Variants in USP16 observed in about 807,000 individuals in gnomAD.
USP16 encodes the protein ubiquitin carboxyl-terminal hydrolase 16.
A neutral mutation model predicts 95.9 loss-of-function variants in USP16; 77 were observed. That is an observed-to-expected ratio of 0.80 (90% CI 0.67 to 0.97). The LOEUF (loss-of-function observed/expected upper bound fraction) is 0.97, where lower values mean the gene tolerates loss of function less well. Ranked by LOEUF, USP16 falls within the 50% of genes least tolerant of loss-of-function variation. The pLI, the probability that USP16 is intolerant of heterozygous loss-of-function variation, is 0.00. For synonymous variants in USP16, 303 were observed against 318.2 expected (o/e 0.95, Z 0.51); for missense variants, 943 against 959.9 (o/e 0.98, Z 0.23).
intron 4 of USP16, 47 bp from the exon 5 acceptor site, chr21:29,036,221 CTTT>C (rs775739524): frequency 6.8e-7 from 1 of 1,471,384 alleles, no homozygotes; most frequent in South Asian, 1.2e-5. Context: ...TTGTCTCCCC[CTTT>C]TTAGTTGTCA....
intron 14 of USP16, among the ~76,000 whole-genome samples, chr21:29,047,982 A>AT (rs1226226711): frequency 6.6e-6 from 1 of 151,506 alleles, no homozygotes; most frequent in African/African-American, 2.4e-5. Flanking sequence ...ATATATATAT[A>AT]AGCTCAGAGA....
chr21:29,029,257 C>T (rs1472086286), intron 2 of USP16, among the ~76,000 whole-genome samples: 1 of 152,108 alleles, frequency 6.6e-6, no homozygotes, highest in Non-Finnish European at 1.5e-5. Flanking sequence ...ACTAAACATA[C>T]AAAAAATTAG....
intron 16 of USP16, chr21:29,052,170 T>A (rs190721771): frequency 6.6e-6 from 1 of 152,354 alleles, no homozygotes; most frequent in Admixed American, 6.5e-5. Flanking sequence ...GCATGTTTAA[T>A]GTAAACTCTC....
chr21:29,038,959 T>C, intron 7 of USP16, 67 bp from the exon 8 acceptor site: 1 of 1,400,798 alleles, frequency 7.1e-7, no homozygotes, highest in Non-Finnish European at 9.4e-7. Flanking sequence ...GTTAACTAAT[T>C]AGATTTTAGT....
In USP16 at chr21:29,037,338, G is replaced by T; in HGVS notation, c.511G>T (p.Glu171Ter). 6.3e-7 allele frequency: 1 copy of T among 1,594,070 alleles called. No homozygotes were observed. The highest frequency in any genetic ancestry group is 1.1e-5 in the South Asian group (1 of 88,364). Residue 171 changes from glutamate (E) to a stop codon, truncating the protein, a stop_gained, in exon 6 of 18, where the codon GAA (glutamate) becomes TAA (stop). Coordinates refer to ENST00000399976, the MANE Select transcript of USP16 (RefSeq NM_006447.3). LOFTEE classifies it high-confidence loss of function. ...AAAATTAGAAAAAGAGAGTAAGAAT[G>T]AACAAGAGAGAGAAAAGAAGGAAAA... ...NKKLEKESKNEQEREKKENMA... is the reference protein window; with the variant it reads ...NKKLEKESKN
rs2085328604 is a variant in USP16, at chr21:29,046,708, T to C, written c.1398T>C (p.His466=). 3 of 1,609,952 alleles carry C rather than the reference T, an allele frequency of 1.9e-6. No homozygotes were observed. Among genetic ancestry groups the C allele is most frequent in the South Asian group, 2.2e-5 (2 of 89,910 alleles). The change falls in exon 14 of 18, where the codon CAT becomes CAC. Residue 466 remains histidine (H), a synonymous_variant. Coordinates refer to ENST00000399976, the MANE Select transcript of USP16 (RefSeq NM_006447.3). ...AAAAAATTCAAGGAAAAGTTCTTCA[T>C]TTAAATGATATTTGTACTATTGACC... ...RQQKIQGKVL[H]LNDICTIDHP...
In USP16 at chr21:29,054,148, C is replaced by T. The variant is rs771058649; in HGVS notation, c.2433C>T (p.Asn811=). ...VQAVPTTKVL[N]SQAYLLFYER... is the part of the protein sequence containing the mutation. ...CTGTGCCTACAACTAAAGTACTAAA[C>T]TCACAAGCGTACCTCCTATTTTATG... Residue 811 remains asparagine (N), a synonymous_variant, in exon 18 of 18, where the codon AAC becomes AAT. Coordinates refer to ENST00000399976, the MANE Select transcript of USP16 (RefSeq NM_006447.3). The T allele has an allele frequency of 6.2e-7, 1 of 1,614,188 alleles. No homozygotes were observed. The highest frequency in any genetic ancestry group is 1.1e-5 in the South Asian group (1 of 91,086).
chr21:29,048,862 C>G lies in USP16; in HGVS notation c.2106+7C>G, dbSNP rs756266530. Reference sequence around the variant, plus strand: ...TTTAAAGAGATTTCAGCAGGTACTCCTTGTTACCCAAAATTTGTTTTAAAT... The same window carrying G: ...TTTAAAGAGATTTCAGCAGGTACTCGTTGTTACCCAAAATTTGTTTTAAAT... On this transcript the variant is annotated splice_region_variant and intron_variant, in intron 15 of 17. Coordinates refer to ENST00000399976, the MANE Select transcript of USP16 (RefSeq NM_006447.3). The G allele has an allele frequency of 5.0e-6, 8 of 1,606,568 alleles. No homozygotes were observed. In the Admixed American group the frequency reaches 1.4e-4, roughly 27 times the overall value.
rs777198114 is a variant in USP16 at position 29,053,910 on chromosome 21, G to A, written c.2302G>A (p.Ala768Thr). 77 of 1,614,090 alleles carry A rather than the reference G, an allele frequency of 4.8e-5. No individual in the cohort carries two copies. Among genetic ancestry groups the A allele is most frequent in the Middle Eastern group, 3.3e-4 (2 of 6,084 alleles). The change falls in exon 17 of 18, where the codon GCA becomes ACA. Residue 768 changes from alanine (A) to threonine (T), a missense_variant. Coordinates refer to ENST00000399976, the MANE Select transcript of USP16 (RefSeq NM_006447.3). ...CACTGCCTATGCCAAGGCAAGAACC[G>A]CAAATAGTCATCTCTCTAATCTTGT... ...HYTAYAKART[A>T]NSHLSNLVLH...
Position 29,040,056 on chromosome 21 carries a change from T to C in USP16, c.951+488T>C, listed in dbSNP as rs575892183. Among the ~76,000 whole-genome samples the C allele has an allele frequency of 3.3e-5, 5 of 152,340 alleles. No individual in the cohort carries two copies. In the South Asian group the frequency reaches 1.0e-3, roughly 32 times the overall value. On this transcript the variant is annotated intron_variant, in intron 9 of 17. Coordinates refer to ENST00000399976, the MANE Select transcript of USP16 (RefSeq NM_006447.3). ...GGTATGAATTAATGAGTACTAATAA[T>C]AGTGATAATAACTAATATTTATTTC...
chr21:29,043,520 AAG>A lies in USP16; in HGVS notation c.1283_1284del (p.Arg428LysfsTer2). The A allele has an allele frequency of 6.2e-7, 1 of 1,601,802 alleles. No individual in the cohort carries two copies. Among genetic ancestry groups the A allele is most frequent in the Non-Finnish European group, 8.5e-7 (1 of 1,175,454 alleles). On this transcript the variant is annotated frameshift_variant, in exon 13 of 18. Coordinates refer to ENST00000399976, the MANE Select transcript of USP16 (RefSeq NM_006447.3). LOFTEE classifies it high-confidence loss of function. ...GAAAAAGATAACGACAGTTACATAA[AAG>A]AGAGAAGTGATATTCCTTCTGGAAC...
chr21:29,040,150 G>A (rs1392804228), intron 9 of USP16, among the ~76,000 whole-genome samples: 4 of 152,124 alleles, frequency 2.6e-5, no homozygotes, highest in Non-Finnish European at 5.9e-5. Context: ...TTCTCACAAA[G>A]TTTCTGTGAG....
chr21:29,031,054 G>C (rs1206584705), intron 3 of USP16, among the ~76,000 whole-genome samples: 17 of 152,202 alleles, frequency 1.1e-4, no homozygotes, highest in Admixed American at 1.1e-3. Context: ...TGCCTGAATT[G>C]AGGCAAGGAG....
intron 3 of USP16, among the ~76,000 whole-genome samples, chr21:29,032,064 A>C (rs147251162): frequency 3.2e-4 from 49 of 152,308 alleles, no homozygotes; most frequent in African/African-American, 1.1e-3. Flanking sequence ...TGAACATCAC[A>C]GGGATCTCTT....
chr21:29,050,762 T>C (rs1361121802), intron 16 of USP16, among the ~76,000 whole-genome samples: 1 of 152,070 alleles, frequency 6.6e-6, no homozygotes, highest in Non-Finnish European at 1.5e-5. Context: ...AGAAGTGAGA[T>C]AGGAATGAAG....
intron 3 of USP16, among the ~76,000 whole-genome samples, chr21:29,033,081 CA>C (rs1245372899): frequency 6.6e-6 from 1 of 152,164 alleles, no homozygotes; most frequent in Non-Finnish European, 1.5e-5. Flanking sequence ...CTTTTAAATA[CA>C]TATGGTGAGT....
At chr21:29,045,837 A>G (rs1484933743) in intron 13 of USP16, among the ~76,000 whole-genome samples, 1 of 151,874 alleles carries the variant, frequency 6.6e-6, no homozygotes, top group Admixed American at 6.6e-5. Context: ...GAACAGAGTC[A>G]CTTTGTTGCC....
At chr21:29,037,579 CTTTTTTTTTT>C (rs71189336) in intron 6 of USP16, 116 bp downstream of exon 6, 574 of 184,176 alleles carry the variant, frequency 3.1e-3, no homozygotes, top group East Asian at 0.014. Flanking sequence ...CCAAAGAAAA[CTTTTTTTTTT>C]TTTTTTTTTT....
chr21:29,051,269 T>C (rs1417012978), intron 16 of USP16, among the ~76,000 whole-genome samples: 2 of 152,234 alleles, frequency 1.3e-5, no homozygotes, highest in Non-Finnish European at 2.9e-5. Flanking sequence ...TCAGATACCT[T>C]TGAGAAATTA....
Sources: gnomAD v4.1 joint callset for allele counts (sites outside exome capture counted in the v4.1 genomes callset) on GRCh38, gnomAD v4.1.1 for gene constraint, MANE v1.5 for transcripts, NCBI Gene and HGNC (gene_info 2026-07-23, HGNC 2026-07-21) for gene names.